Variants in RIT2 observed in about 807,000 individuals in gnomAD.
RIT2 encodes the protein Ras like without CAAX 2, also known as GTP-binding protein Rit2.
A neutral mutation model predicts 23.7 loss-of-function variants in RIT2; 24 were observed. That is an observed-to-expected ratio of 1.01 (90% CI 0.73 to 1.43). RIT2 has a LOEUF of 1.43. Among genes scored for constraint, RIT2 ranks in the 40% most tolerant of loss-of-function variants. The pLI, the probability that RIT2 is intolerant of heterozygous loss-of-function variation, is 0.00. For missense variants in RIT2, 236 were observed against 266.9 expected (o/e 0.88, Z 0.81); for synonymous variants, 107 against 91.1 (o/e 1.17, Z -0.99).
intron 3 of RIT2, among the ~76,000 whole-genome samples, chr18:42,949,954 A>G (rs1909811525): frequency 6.6e-6 from 1 of 152,144 alleles, no homozygotes; most frequent in African/African-American, 2.4e-5. Context: ...TGGGAGAATC[A>G]TCTCTTAGTA....
intron 4 of RIT2, among the ~76,000 whole-genome samples, chr18:42,781,855 A>G (rs1913818172): frequency 6.6e-6 from 1 of 152,218 alleles, no homozygotes; most frequent in Non-Finnish European, 1.5e-5. Flanking sequence ...AATGGGGTAG[A>G]GCTGAAAATG....
At chr18:43,058,684 C>G (rs1345942746) in intron 1 of RIT2, among the ~76,000 whole-genome samples, 1 of 152,020 alleles carries the variant, frequency 6.6e-6, no homozygotes, top group East Asian at 1.9e-4. Flanking sequence ...CCCAGGAGTT[C>G]GAGACCAGCC....
At chr18:43,109,026 G>A (rs918712727) in intron 1 of RIT2, among the ~76,000 whole-genome samples, 1 of 152,224 alleles carries the variant, frequency 6.6e-6, no homozygotes, top group African/African-American at 2.4e-5. Flanking sequence ...GATGCACTTG[G>A]TTGCTTGCCT....
chr18:42,753,233 C>T (rs1030567789), intron 4 of RIT2, among the ~76,000 whole-genome samples: 5 of 152,142 alleles, frequency 3.3e-5, no homozygotes, highest in Non-Finnish European at 7.3e-5. Flanking sequence ...AGCTTTCTAG[C>T]TCTCTGCATA....
At chr18:42,950,414 A>T in intron 3 of RIT2, among the ~76,000 whole-genome samples, 1 of 152,142 alleles carries the variant, frequency 6.6e-6, no homozygotes, top group Non-Finnish European at 1.5e-5. Flanking sequence ...AAAGATTTAA[A>T]TGTAAGACCT....
In RIT2 at chr18:43,065,523, T is replaced by C. The variant is rs576064658; in HGVS notation, c.104-31656A>G. 4.6e-5 allele frequency among the ~76,000 whole-genome samples: 7 copies of C among 152,306 alleles called. 1 individual carries two copies. In the South Asian group the frequency reaches 1.0e-3, roughly 23 times the overall value. ...CTTTCCTTTGGTGGGCACTCATTAG[T>C]AGAACTTTCTGAATCACAGGGAACA... On this transcript the variant is annotated intron_variant, in intron 1 of 4. Coordinates refer to ENST00000326695, the MANE Select transcript of RIT2 (RefSeq NM_002930.4).
At chr18:42,867,557 G>A (rs907967574) in intron 4 of RIT2, among the ~76,000 whole-genome samples, 1 of 151,934 alleles carries the variant, frequency 6.6e-6, no homozygotes, top group African/African-American at 2.4e-5. Flanking sequence ...CCACTGAGGT[G>A]GGTGGATTGC....
chr18:42,809,831 A>T (rs1281841154), intron 4 of RIT2, among the ~76,000 whole-genome samples: 1 of 117,260 alleles, frequency 8.5e-6, no homozygotes, highest in Non-Finnish European at 1.7e-5. Context: ...TATAATATAT[A>T]TATAATTTGT....
intron 4 of RIT2, among the ~76,000 whole-genome samples, chr18:42,834,737 A>T (rs1568008256): frequency 6.6e-6 from 1 of 152,216 alleles, no homozygotes; most frequent in Non-Finnish European, 1.5e-5. Context: ...GCAAGTATAC[A>T]GTGAGGCACT....
At chr18:42,949,165 A>G (rs1909792650) in intron 3 of RIT2, 1 of 394,706 alleles carries the variant, frequency 2.5e-6, no homozygotes, top group African/African-American at 2.1e-5. Flanking sequence ...ACTATACCAC[A>G]TATCTTCCTG....
chr18:42,743,444 G>C lies in RIT2; in HGVS notation c.*49C>G. On this transcript the variant is annotated 3_prime_UTR_variant, in exon 5 of 5. Coordinates refer to ENST00000326695, the MANE Select transcript of RIT2 (RefSeq NM_002930.4). ...GAAGCAGAATGCTACATATGGAATT[G>C]TCCAACTAATAAAATTCAGAGAGCG... 7.7e-7 allele frequency: 1 copy of C among 1,300,228 alleles called. No homozygotes were observed. 80.5% of individuals were successfully genotyped at this position (1,300,228 alleles called of 1,614,324 possible).
chr18:42,843,427 G>T lies in RIT2; in HGVS notation c.426+80145C>A, dbSNP rs146931260. Reference sequence around the variant, plus strand: ...ATATTGATCTCAGGATCATAATTTAGAGATCATGAAATACATACTTATAAA... The same window carrying T: ...ATATTGATCTCAGGATCATAATTTATAGATCATGAAATACATACTTATAAA... On this transcript the variant is annotated intron_variant, in intron 4 of 4. Coordinates refer to ENST00000326695, the MANE Select transcript of RIT2 (RefSeq NM_002930.4). Among the ~76,000 whole-genome samples the T allele has an allele frequency of 2.0e-3, 302 of 152,278 alleles. 2 individuals are homozygous for T. The highest frequency in any genetic ancestry group is 7.0e-3 in the African/African-American group (293 of 41,562).
intron 4 of RIT2, among the ~76,000 whole-genome samples, chr18:42,909,324 G>A (rs904254056): frequency 4.6e-5 from 7 of 152,028 alleles, no homozygotes; most frequent in Non-Finnish European, 8.8e-5. Context: ...CTCACGGGTT[G>A]GACTTTTAGG....
intron 2 of RIT2, among the ~76,000 whole-genome samples, chr18:43,003,104 G>T (rs768195719): frequency 6.6e-6 from 1 of 151,930 alleles, no homozygotes; most frequent in African/African-American, 2.4e-5. Flanking sequence ...ACTCAGGCTG[G>T]CTGGTACCTT....
intron 2 of RIT2, among the ~76,000 whole-genome samples, chr18:42,981,700 AT>A (rs1910603001): frequency 6.6e-6 from 1 of 152,080 alleles, no homozygotes; most frequent in Non-Finnish European, 1.5e-5. Context: ...ATTTATTCAT[AT>A]TTTAAGGGAA....
At chr18:42,834,505 A>G (rs575538669) in intron 4 of RIT2, among the ~76,000 whole-genome samples, 21 of 152,140 alleles carry the variant, frequency 1.4e-4, no homozygotes, top group African/African-American at 5.1e-4. Flanking sequence ...CAATGATGGG[A>G]GTGGGGTAGA....
At chr18:42,869,006 T>C (rs1907546660) in intron 4 of RIT2, among the ~76,000 whole-genome samples, 2 of 152,232 alleles carry the variant, frequency 1.3e-5, no homozygotes, top group Admixed American at 1.3e-4. Context: ...AGTTGGTGAA[T>C]TCTGCCCCAG....
At chr18:42,842,279 T>C (rs1252081311) in intron 4 of RIT2, among the ~76,000 whole-genome samples, 1 of 151,906 alleles carries the variant, frequency 6.6e-6, no homozygotes, top group Non-Finnish European at 1.5e-5. Flanking sequence ...TATACATGGA[T>C]GTTATCAAAG....
intron 4 of RIT2, among the ~76,000 whole-genome samples, chr18:42,803,148 T>G (rs1450569100): frequency 6.6e-6 from 1 of 152,234 alleles, no homozygotes; most frequent in Non-Finnish European, 1.5e-5. Context: ...AAACAAACAT[T>G]AGATTATCTG....
Sources: gnomAD v4.1 joint callset for allele counts (sites outside exome capture counted in the v4.1 genomes callset) on GRCh38, gnomAD v4.1.1 for gene constraint, MANE v1.5 for transcripts, NCBI Gene and HGNC (gene_info 2026-07-23, HGNC 2026-07-21) for gene names.